CSMD1: variants seen among roughly 807,000 people sequenced by gnomAD.
CSMD1 encodes the protein CUB and sushi domain-containing protein 1.
A neutral mutation model predicts 417.5 loss-of-function variants in CSMD1; 213 were observed. The ratio of observed to expected loss-of-function variants is 0.51; its 90% confidence interval spans 0.46 to 0.57. The LOEUF (loss-of-function observed/expected upper bound fraction) is 0.57. CSMD1 is among the 20% of genes least tolerant of loss of function. CSMD1 has a pLI of 0.00. For missense variants in CSMD1, 6,923 were observed against 4,529.7 expected, an observed-to-expected ratio of 1.53 and a Z score of -15.17; for synonymous variants, 2,862 against 1,736.8, an observed-to-expected ratio of 1.65 and a Z score of -16.11.
At chr8:4,442,393 C>G (rs1374060975) in intron 2 of CSMD1, among the ~76,000 whole-genome samples, 1 of 152,138 alleles carries the variant, frequency 6.6e-6, no homozygotes, top group African/African-American at 2.4e-5. Flanking sequence ...TTAACAAAGC[C>G]TACGTTTCCA....
rs368402615 is a variant in CSMD1, at chr8:4,718,617, A to T, written c.86-81059T>A. On this transcript the variant is annotated intron_variant, in intron 1 of 69. Coordinates refer to ENST00000635120, the MANE Select transcript of CSMD1 (RefSeq NM_033225.6). ...AAACATATAGTACGATTGAATTTTG[A>T]TATTATTTTAAACTGGAAAACCAAA... 9.4e-4 allele frequency among the ~76,000 whole-genome samples: 143 copies of T among 152,244 alleles called. 1 individual carries two copies. Among genetic ancestry groups the T allele is most frequent in the Non-Finnish European group, 1.6e-4 (11 of 68,016 alleles).
At chr8:4,679,095 G>C (rs1188127781) in intron 1 of CSMD1, among the ~76,000 whole-genome samples, 2 of 152,072 alleles carry the variant, frequency 1.3e-5, no homozygotes, top group Non-Finnish European at 2.9e-5. Flanking sequence ...CCTCACATCT[G>C]GTCATCTGCG....
chr8:3,427,950 A>C (rs566827341), intron 12 of CSMD1, among the ~76,000 whole-genome samples: 1 of 152,244 alleles, frequency 6.6e-6, no homozygotes, highest in Non-Finnish European at 1.5e-5. Context: ...TCAGGAATTA[A>C]TAAGGTAAAG....
intron 68 of CSMD1, among the ~76,000 whole-genome samples, chr8:2,944,247 G>C (rs1282105398): frequency 6.6e-6 from 1 of 152,160 alleles, no homozygotes; most frequent in Non-Finnish European, 1.5e-5. Flanking sequence ...GCACTGTATT[G>C]GAAGCGAGGG....
At chr8:3,440,431 T>C (rs781695415) in intron 12 of CSMD1, among the ~76,000 whole-genome samples, 2 of 152,196 alleles carry the variant, frequency 1.3e-5, no homozygotes, top group African/African-American at 4.8e-5. Context: ...TTTAAAGAAA[T>C]TGGGTGTTCA....
At chr8:3,765,818 T>G (rs912303602) in intron 5 of CSMD1, among the ~76,000 whole-genome samples, 5 of 152,074 alleles carry the variant, frequency 3.3e-5, no homozygotes, top group Admixed American at 3.3e-4. Flanking sequence ...GTCTCAGGAA[T>G]CCAGTGGGGA....
intron 3 of CSMD1, among the ~76,000 whole-genome samples, chr8:4,303,422 GTTTTTTTTTTTTTTTTTTTTTTTTT>G (rs71511194): frequency 3.5e-5 from 3 of 85,216 alleles, no homozygotes; most frequent in African/African-American, 1.4e-4. Context: ...GCAGGAAGCT[GTTTTTTTTTTTTTTTTTTTTTTTTT>G]TTTTTTTTTG....
rs1347872407 is a variant in CSMD1, at chr8:4,639,893, G to C, written c.86-2335C>G. On this transcript the variant is annotated intron_variant, in intron 1 of 69. Transcript: ENST00000635120. ...AAAGCCCATTTTCCACTAAATTTAA[G>C]TCCAATAATAACACTGTAACAAGTA... 1.3e-5 allele frequency among the ~76,000 whole-genome samples: 2 copies of C among 152,142 alleles called. 1 individual carries two copies. Among genetic ancestry groups the C allele is most frequent in the East Asian group, 3.9e-4 (2 of 5,194 alleles).
At chr8:4,389,716 T>C (rs1282906073) in intron 3 of CSMD1, among the ~76,000 whole-genome samples, 3 of 152,180 alleles carry the variant, frequency 2.0e-5, no homozygotes, top group Admixed American at 6.5e-5. Flanking sequence ...TATTTTCCTG[T>C]ATATTTTAAA....
intron 3 of CSMD1, among the ~76,000 whole-genome samples, chr8:4,375,415 A>G (rs73510643): frequency 0.068 from 10,410 of 152,210 alleles, 947 homozygotes; most frequent in African/African-American, 0.2. Flanking sequence ...TAATGAGCAC[A>G]AGCATCTTGT....
chr8:3,192,297 G>A (rs528295872), intron 33 of CSMD1, among the ~76,000 whole-genome samples: 5 of 152,216 alleles, frequency 3.3e-5, no homozygotes, highest in African/African-American at 1.2e-4. Flanking sequence ...TATCTGAAAC[G>A]TTTGGTGTTT....
chr8:4,568,853 G>A (rs1798745462), intron 2 of CSMD1, among the ~76,000 whole-genome samples: 1 of 152,114 alleles, frequency 6.6e-6, no homozygotes, highest in Non-Finnish European at 1.5e-5. Context: ...GTTTTGATTT[G>A]CATTTCTCTA....
chr8:3,703,007 C>A (rs1203173226), intron 7 of CSMD1, among the ~76,000 whole-genome samples: 1 of 152,084 alleles, frequency 6.6e-6, no homozygotes, highest in East Asian at 1.9e-4. Flanking sequence ...TTACATTGCA[C>A]TTTTTCCAAG....
At chr8:4,223,049 C>T (rs1007656673) in intron 3 of CSMD1, among the ~76,000 whole-genome samples, 1 of 152,112 alleles carries the variant, frequency 6.6e-6, no homozygotes, top group Non-Finnish European at 1.5e-5. Context: ...AGGCTTCCTA[C>T]ATTGGACATT....
chr8:4,214,707 T>C (rs1005996883), intron 3 of CSMD1, among the ~76,000 whole-genome samples: 7 of 152,172 alleles, frequency 4.6e-5, no homozygotes, highest in Admixed American at 1.3e-4. Flanking sequence ...AACGTGGATA[T>C]AGGCAAGAGT....
intron 1 of CSMD1, among the ~76,000 whole-genome samples, chr8:4,790,570 G>A (rs563245489): frequency 3.6e-4 from 55 of 152,240 alleles, no homozygotes; most frequent in Admixed American, 1.5e-3. Flanking sequence ...CACACAGCCC[G>A]ACTTTAAGCT....
intron 3 of CSMD1, among the ~76,000 whole-genome samples, chr8:4,202,557 A>G (rs1438391748): frequency 3.9e-5 from 6 of 152,220 alleles, no homozygotes; most frequent in African/African-American, 1.4e-4. Context: ...ATCAGCCTCG[A>G]CAAATTACTC....
chr8:2,975,789 C>G (rs1804860076), intron 55 of CSMD1, among the ~76,000 whole-genome samples: 1 of 152,194 alleles, frequency 6.6e-6, no homozygotes, highest in East Asian at 1.9e-4. Flanking sequence ...ACCCTGAGAT[C>G]TTTGGATTCC....
intron 3 of CSMD1, among the ~76,000 whole-genome samples, chr8:4,057,592 A>G (rs1798762518): frequency 6.6e-6 from 1 of 151,852 alleles, no homozygotes; most frequent in African/African-American, 2.4e-5. Flanking sequence ...GGTGTTATAG[A>G]CATGAAGTCC....
Sources: allele counts gnomAD v4.1 joint callset (sites outside exome capture counted in the v4.1 genomes callset), GRCh38; gene constraint gnomAD v4.1.1; transcripts MANE v1.5; gene names NCBI Gene and HGNC (gene_info 2026-07-23, HGNC 2026-07-21).